Variants in MBD5 observed in about 807,000 individuals in gnomAD.
MBD5 encodes the protein methyl-CpG-binding domain protein 5.
A neutral mutation model predicts 117.3 loss-of-function variants in MBD5; 13 were observed. The observed-to-expected ratio is 0.11, with a 90% CI of 0.07 to 0.18. The LOEUF (loss-of-function observed/expected upper bound fraction) is 0.18. Among genes scored for constraint, MBD5 ranks in the 10% least tolerant of loss-of-function variants. The pLI is 1.00. For missense variants in MBD5, 1,879 were observed against 2,093.8 expected (o/e 0.90, Z 2.00); for synonymous variants, 727 against 766.4 (o/e 0.95, Z 0.85).
At chr2:148,453,585 G>A (rs1455513857) in intron 4 of MBD5, among the ~76,000 whole-genome samples, 1 of 151,952 alleles carries the variant, frequency 6.6e-6, no homozygotes, top group African/African-American at 2.4e-5. Context: ...TATGCTTATT[G>A]GGCTTAAATG....
intron 11 of MBD5, among the ~76,000 whole-genome samples, chr2:148,496,107 T>G (rs1186492571): frequency 6.6e-6 from 1 of 152,252 alleles, no homozygotes; most frequent in African/African-American, 2.4e-5. Flanking sequence ...CACTTTGCCT[T>G]ATACATTTTC....
chr2:148,401,123 T>G (rs1385738401), intron 4 of MBD5, among the ~76,000 whole-genome samples: 1 of 152,180 alleles, frequency 6.6e-6, no homozygotes, highest in East Asian at 1.9e-4. Flanking sequence ...ATTAACTATG[T>G]CTAGAGCATT....
At chr2:148,504,154 T>C (rs1006330347) in intron 12 of MBD5, among the ~76,000 whole-genome samples, 6 of 152,336 alleles carry the variant, frequency 3.9e-5, no homozygotes, top group African/African-American at 7.2e-5. Context: ...AGTAAATTAA[T>C]GTGAGAGCTA....
intron 1 of MBD5, among the ~76,000 whole-genome samples, chr2:148,035,591 C>T (rs1182954293): frequency 1.3e-5 from 2 of 152,188 alleles, no homozygotes; most frequent in African/African-American, 4.8e-5. Flanking sequence ...ATTCTCATAA[C>T]TTACAGCATT....
chr2:148,468,652 A>T lies in MBD5; in HGVS notation c.709A>T (p.Ile237Phe). 1 of 1,613,862 alleles carries T rather than the reference A, an allele frequency of 6.2e-7. No homozygotes were observed. The highest frequency in any genetic ancestry group is 8.5e-7 in the Non-Finnish European group (1 of 1,179,862). Reference sequence around the variant, plus strand: ...TTCCCAGATATATGGAGATGGTTCAATCTCTCCAAGGACTGACCCACTTGG... The same window carrying T: ...TTCCCAGATATATGGAGATGGTTCATTCTCTCCAAGGACTGACCCACTTGG... Reference protein sequence around the residue: ...SGSQIYGDGSISPRTDPLGSP... With the variant: ...SGSQIYGDGSFSPRTDPLGSP... The change falls in exon 8 of 14, where the codon ATC becomes TTC. Residue 237 changes from isoleucine (I) to phenylalanine (F), a missense_variant. Physicochemically the swap from Ile to Phe is conservative, Grantham distance 21 (BLOSUM62 0). This residue lies in a region of MBD5 where 1,666 missense variants were observed against 1,792.2 expected (regional missense o/e 0.93). Coordinates refer to ENST00000642680, the MANE Select transcript of MBD5 (RefSeq NM_001378120.1).
At chr2:148,211,785 A>T (rs1699428084) in intron 2 of MBD5, among the ~76,000 whole-genome samples, 1 of 152,164 alleles carries the variant, frequency 6.6e-6, no homozygotes, top group Non-Finnish European at 1.5e-5. Flanking sequence ...TCGCTCTGTC[A>T]CCCAGGCTGG....
At chr2:148,299,682 C>T (rs1471355753) in intron 3 of MBD5, among the ~76,000 whole-genome samples, 2 of 152,102 alleles carry the variant, frequency 1.3e-5, no homozygotes, top group Non-Finnish European at 2.9e-5. Flanking sequence ...AACTGATATC[C>T]AGTCATTTCC....
At chr2:148,360,027 T>G (rs1333971065) in intron 4 of MBD5, among the ~76,000 whole-genome samples, 1 of 151,814 alleles carries the variant, frequency 6.6e-6, no homozygotes, top group African/African-American at 2.4e-5. Context: ...CTGAATAAAT[T>G]CACTAGATTT....
chr2:148,226,217 C>A (rs928819793), intron 2 of MBD5, among the ~76,000 whole-genome samples: 1 of 151,812 alleles, frequency 6.6e-6, no homozygotes, highest in Admixed American at 6.6e-5. Context: ...TACCCATTAA[C>A]TTGTCATTTA....
intron 1 of MBD5, among the ~76,000 whole-genome samples, chr2:148,170,122 C>G (rs561031719): frequency 6.6e-6 from 1 of 152,174 alleles, no homozygotes; most frequent in African/African-American, 2.4e-5. Flanking sequence ...TGGTCTCGAT[C>G]TCCTGACCTC....
intron 4 of MBD5, among the ~76,000 whole-genome samples, chr2:148,451,858 G>A (rs1269115645): frequency 6.6e-6 from 1 of 152,052 alleles, no homozygotes; most frequent in Non-Finnish European, 1.5e-5. Flanking sequence ...AATATTAAAA[G>A]TATAAGCCAT....
At chr2:148,420,024 T>TG (rs986114708) in intron 4 of MBD5, among the ~76,000 whole-genome samples, 3 of 152,182 alleles carry the variant, frequency 2.0e-5, no homozygotes, top group Admixed American at 6.5e-5. Context: ...TATGTAAGCC[T>TG]GGGGGAGGTA....
At chr2:148,456,870 C>A (rs1048860962) in intron 4 of MBD5, among the ~76,000 whole-genome samples, 4 of 152,120 alleles carry the variant, frequency 2.6e-5, no homozygotes, top group Non-Finnish European at 4.4e-5. Flanking sequence ...GCCAAGGCTG[C>A]AAATAAGGCA....
intron 12 of MBD5, among the ~76,000 whole-genome samples, chr2:148,506,587 C>G (rs1294125559): frequency 1.2e-4 from 19 of 152,190 alleles, no homozygotes; most frequent in Non-Finnish European, 2.1e-4. Context: ...GAACAACTTG[C>G]AATTTCTCAT....
At chr2:148,050,309 A>G (rs1433971264) in intron 1 of MBD5, among the ~76,000 whole-genome samples, 1 of 152,062 alleles carries the variant, frequency 6.6e-6, no homozygotes, top group South Asian at 2.1e-4. Flanking sequence ...TCATGTGCTT[A>G]TTAGCCATTT....
At chr2:148,286,942 T>G (rs537089741) in intron 3 of MBD5, among the ~76,000 whole-genome samples, 1 of 152,326 alleles carries the variant, frequency 6.6e-6, no homozygotes, top group South Asian at 2.1e-4. Flanking sequence ...AAATGACATT[T>G]TAATTTTCAT....
intron 1 of MBD5, among the ~76,000 whole-genome samples, chr2:148,040,789 G>C (rs1195333043): frequency 6.6e-6 from 1 of 152,006 alleles, no homozygotes; most frequent in African/African-American, 2.4e-5. Flanking sequence ...ACTATTCTTG[G>C]CCCTGTGGGT....
chr2:148,433,502 T>C (rs1706054946), intron 4 of MBD5, among the ~76,000 whole-genome samples: 2 of 152,228 alleles, frequency 1.3e-5, no homozygotes, highest in African/African-American at 4.8e-5. Flanking sequence ...TGGATGGCTC[T>C]TATTACTTTG....
intron 4 of MBD5, among the ~76,000 whole-genome samples, chr2:148,397,706 G>A (rs935219442): frequency 2.6e-5 from 4 of 151,864 alleles, no homozygotes; most frequent in Non-Finnish European, 4.4e-5. Flanking sequence ...CAACGTGCAG[G>A]TTTGTTACAT....
Sources: allele counts gnomAD v4.1 joint callset (sites outside exome capture counted in the v4.1 genomes callset), GRCh38; gene constraint gnomAD v4.1.1; regional missense constraint gnomAD v4.1.1; transcripts MANE v1.5; gene names NCBI Gene and HGNC (gene_info 2026-07-23, HGNC 2026-07-21).